Variants in FAR2 observed in about 807,000 individuals in gnomAD.
FAR2 encodes fatty acyl-CoA reductase 2.
FAR2 carries 19 observed loss-of-function variants against 56.0 expected under a neutral mutation model. The observed-to-expected ratio is 0.34, with a 90% CI of 0.24 to 0.50. FAR2 has a LOEUF of 0.50. Among genes scored for constraint, FAR2 ranks in the 20% least tolerant of loss-of-function variants. The pLI is 0.98. For synonymous variants in FAR2, 219 were observed against 218.8 expected (o/e 1.00, Z -0.01); for missense variants, 508 against 642.2 (o/e 0.79, Z 2.26).
intron 4 of FAR2, among the ~76,000 whole-genome samples, chr12:29,304,325 G>A (rs996955533): frequency 1.3e-5 from 2 of 152,202 alleles, no homozygotes; most frequent in African/African-American, 4.8e-5. Flanking sequence ...GCTGGCTCCT[G>A]GGGGCAGAAA....
chr12:29,332,532 C>A, intron 10 of FAR2, 68 bp from the exon 11 acceptor site: 1 of 1,599,128 alleles, frequency 6.3e-7, no homozygotes, highest in Admixed American at 1.7e-5. Flanking sequence ...GTAGAAGAAA[C>A]CTCAAGTGGA....
At chr12:29,155,857 T>G (rs1290909694) in intron 1 of FAR2, among the ~76,000 whole-genome samples, 3 of 152,216 alleles carry the variant, frequency 2.0e-5, no homozygotes, top group Non-Finnish European at 4.4e-5. Context: ...GAAACTCACC[T>G]GCCATAGGTA....
chr12:29,319,772 G>A lies in FAR2; in HGVS notation c.1128-2023G>A, dbSNP rs576472018. Among the ~76,000 whole-genome samples the A allele has an allele frequency of 3.9e-5, 6 of 152,190 alleles. No homozygotes were observed. The South Asian group carries it at 8.3e-4, about 21-fold the overall frequency. On this transcript the variant is annotated intron_variant, in intron 9 of 11. Coordinates refer to ENST00000536681, the MANE Select transcript of FAR2 (RefSeq NM_001271783.2). Reference sequence around the variant, plus strand: ...ATTCTGTAAAATGGGCACAGTAATCGTAACCTATTTTATATAGTTTAATAT... The same window carrying A: ...ATTCTGTAAAATGGGCACAGTAATCATAACCTATTTTATATAGTTTAATAT...
intron 1 of FAR2, among the ~76,000 whole-genome samples, chr12:29,172,729 A>G (rs1310573616): frequency 6.6e-6 from 1 of 152,066 alleles, no homozygotes; most frequent in African/African-American, 2.4e-5. Context: ...AGGGGAGTAT[A>G]TTTTCTTAAG....
intron 1 of FAR2, among the ~76,000 whole-genome samples, chr12:29,253,375 C>CTAGA (rs1302090970): frequency 2.1e-5 from 3 of 143,470 alleles, no homozygotes; most frequent in South Asian, 2.2e-4. Flanking sequence ...ATCTATCTAT[C>CTAGA]TAGATAGATA....
intron 2 of FAR2, among the ~76,000 whole-genome samples, chr12:29,289,429 T>A (rs1208074056): frequency 6.6e-6 from 1 of 152,080 alleles, no homozygotes; most frequent in Non-Finnish European, 1.5e-5. Flanking sequence ...GTGCCAAGAA[T>A]ATACACTGCA....
intron 3 of FAR2, among the ~76,000 whole-genome samples, chr12:29,295,240 AT>A (rs1386296359): frequency 6.6e-6 from 1 of 151,838 alleles, no homozygotes; most frequent in Non-Finnish European, 1.5e-5. Flanking sequence ...TGCCTAGCTA[AT>A]TTTTGTATTT....
At chr12:29,324,327 G>A (rs1159357045) in intron 10 of FAR2, among the ~76,000 whole-genome samples, 4 of 152,204 alleles carry the variant, frequency 2.6e-5, no homozygotes, top group African/African-American at 4.8e-5. Flanking sequence ...ACACTCTGCA[G>A]GGTATTATCC....
intron 1 of FAR2, among the ~76,000 whole-genome samples, chr12:29,257,839 G>C (rs7304457): frequency 0.57 from 87,238 of 151,840 alleles, 25,879 homozygotes; most frequent in African/African-American, 0.72. Context: ...CGAGGGTCCG[G>C]GGCTTCATTC....
chr12:29,305,506 T>C (rs886420182), intron 4 of FAR2, among the ~76,000 whole-genome samples: 1 of 152,180 alleles, frequency 6.6e-6, no homozygotes. Context: ...TATTAAAAAA[T>C]AACAATGCCT....
chr12:29,164,950 G>C (rs566390023), intron 1 of FAR2, among the ~76,000 whole-genome samples: 1 of 152,254 alleles, frequency 6.6e-6, no homozygotes, highest in South Asian at 2.1e-4. Flanking sequence ...GCTGTTGCCT[G>C]GTGTCATAAA....
At chr12:29,269,089 C>T (rs140221466) in intron 1 of FAR2, among the ~76,000 whole-genome samples, 1,940 of 152,130 alleles carry the variant, frequency 0.013, 137 homozygotes, top group Admixed American at 0.11. Context: ...TGACAGCAAC[C>T]GGTCTGACCA....
chr12:29,316,663 G>A (rs1949455732), intron 8 of FAR2, among the ~76,000 whole-genome samples, 178 bp from the exon 9 acceptor site: 1 of 152,148 alleles, frequency 6.6e-6, no homozygotes, highest in Admixed American at 6.5e-5. Context: ...CACTGTTTCA[G>A]TTTGCAGATA....
intron 1 of FAR2, among the ~76,000 whole-genome samples, chr12:29,179,284 G>T (rs553772537): frequency 6.6e-6 from 1 of 152,282 alleles, no homozygotes; most frequent in African/African-American, 2.4e-5. Flanking sequence ...TCAATATTCA[G>T]AAAGTTGCTG....
intron 1 of FAR2, among the ~76,000 whole-genome samples, chr12:29,247,705 T>C (rs1473752449): frequency 6.6e-6 from 1 of 152,202 alleles, no homozygotes; most frequent in East Asian, 1.9e-4. Flanking sequence ...AACTGGGAAA[T>C]AGAAATTTCC....
intron 1 of FAR2, among the ~76,000 whole-genome samples, chr12:29,247,098 T>C (rs527375977): frequency 2.6e-4 from 40 of 152,330 alleles, no homozygotes; most frequent in African/African-American, 9.4e-4. Flanking sequence ...GCCAATTTAT[T>C]GGCACAGGTT....
Position 29,321,893 on chromosome 12 carries a change from T to C in FAR2, c.1226T>C (p.Leu409Pro), listed in dbSNP as rs1344347473. The change falls in exon 10 of 12, where the codon CTG becomes CCG. Residue 409 changes from leucine (L) to proline (P), a missense_variant. Coordinates refer to ENST00000536681, the MANE Select transcript of FAR2 (RefSeq NM_001271783.2). ...TGGAGCACGTACAATACAGAAATGCTGATGTCTGAGCTGAGTCCTGAAGAC... is the reference window on the plus strand; with the variant it reads ...TGGAGCACGTACAATACAGAAATGCCGATGTCTGAGCTGAGTCCTGAAGAC... ...WEWSTYNTEM[L>P]MSELSPEDQR... The C allele has an allele frequency of 2.5e-6, 4 of 1,613,570 alleles. No homozygotes were observed. The highest frequency in any genetic ancestry group is 3.4e-6 in the Non-Finnish European group (4 of 1,179,730).
intron 1 of FAR2, among the ~76,000 whole-genome samples, chr12:29,150,690 C>T (rs1487874118): frequency 6.6e-6 from 1 of 152,160 alleles, no homozygotes; most frequent in Non-Finnish European, 1.5e-5. Flanking sequence ...AGGAGATGGG[C>T]ATGAGGTTTT....
At position 29,214,853 on chromosome 12, in the gene FAR2, A is replaced by T. The variant is rs540353240; in HGVS notation, c.-38-55559A>T. On this transcript the variant is annotated intron_variant, in intron 1 of 11. Transcript: ENST00000536681. ...AATGATAATAATAATAATAATAATT[A>T]AAAAAATAAAGAACGTGAACATAGG... Among the ~76,000 whole-genome samples the T allele has an allele frequency of 2.6e-5, 4 of 151,780 alleles. No individual in the cohort carries two copies. In the South Asian group the frequency reaches 6.2e-4, roughly 24 times the overall value.
Sources: gnomAD v4.1 joint callset for allele counts (sites outside exome capture counted in the v4.1 genomes callset) on GRCh38, gnomAD v4.1.1 for gene constraint, MANE v1.5 for transcripts, NCBI Gene and HGNC (gene_info 2026-07-23, HGNC 2026-07-21) for gene names.